CYTH1: variants seen among roughly 807,000 people sequenced by gnomAD.
The protein encoded by CYTH1 is cytohesin 1.
Under a neutral mutation model 61.8 loss-of-function variants are expected in CYTH1, and 18 were observed. That is an observed-to-expected ratio of 0.29 (90% confidence interval 0.20 to 0.43). CYTH1 has a LOEUF of 0.43. Among genes scored for constraint, CYTH1 ranks in the 20% least tolerant of loss-of-function variants. The pLI, the probability that CYTH1 is intolerant of heterozygous loss-of-function variation, is 1.00. For missense variants in CYTH1, 336 were observed against 510.5 expected, an observed-to-expected ratio of 0.66 and a Z score of 3.29; for synonymous variants, 174 against 184.3, an observed-to-expected ratio of 0.94 and a Z score of 0.45.
rs2093512267 is a variant in CYTH1 at position 78,780,455 on chromosome 17, G to A, written c.22+1747C>T. On this transcript the variant is annotated intron_variant, in intron 1 of 13. Transcript: ENST00000446868. ...TGCTTGAGCCAAGGAAGCAGAGCGT[G>A]CAGTGAGCTATGAGAGCGCCCCTGC... 3.9e-5 allele frequency among the ~76,000 whole-genome samples: 6 copies of A among 152,360 alleles called. No homozygotes were observed. In the South Asian group the frequency reaches 8.3e-4, roughly 21 times the overall value.
Position 78,674,729 on chromosome 17 carries a change from A to G in CYTH1, c.*1362T>C, listed in dbSNP as rs9894449. 6.6e-6 allele frequency: 1 copy of G among 152,346 alleles called. No homozygotes were observed. The highest frequency in any genetic ancestry group is 2.4e-5 in the African/African-American group (1 of 41,448). 9.4% of individuals were successfully genotyped at this position (152,346 alleles called of 1,614,324 possible). ...TGGAGGGGCGGGGCGAGACGGCCAG[A>G]CAGCCAGCCACCTGCTCTGCCTGGA... is the stretch of plus-strand genomic sequence containing the variant. On this transcript the variant is annotated 3_prime_UTR_variant, in exon 14 of 14. Coordinates refer to ENST00000446868, the MANE Select transcript of CYTH1 (RefSeq NM_004762.6).
intron 3 of CYTH1, among the ~76,000 whole-genome samples, chr17:78,706,482 A>G (rs935163409): frequency 7.2e-5 from 11 of 152,208 alleles, no homozygotes; most frequent in African/African-American, 2.4e-4. Flanking sequence ...TCATTCCTTC[A>G]CACTGCTGAG....
At chr17:78,680,103 C>T (rs1248816491) in intron 13 of CYTH1, 87 bp downstream of exon 13, 77 of 1,514,606 alleles carry the variant, frequency 5.1e-5, no homozygotes, top group Non-Finnish European at 5.7e-5. Context: ...GAGATGCGGG[C>T]GGCATGTTTA....
intron 1 of CYTH1, among the ~76,000 whole-genome samples, chr17:78,777,097 C>A (rs1164980334): frequency 6.6e-6 from 1 of 151,234 alleles, no homozygotes; most frequent in East Asian, 1.9e-4. Flanking sequence ...TGCACTCTAG[C>A]CTGGGCAACA....
At position 78,740,124 on chromosome 17, in the gene CYTH1, C is replaced by T. The variant is rs577621479; in HGVS notation, c.23-30392G>A. On this transcript the variant is annotated intron_variant, in intron 1 of 13. Coordinates refer to ENST00000446868, the MANE Select transcript of CYTH1 (RefSeq NM_004762.6). Reference sequence around the variant, plus strand: ...CTAATTTTTGTATTTTTAGTAGAGGCGGGGTTTCACCATGTTGGCCAGGCT... The same window carrying T: ...CTAATTTTTGTATTTTTAGTAGAGGTGGGGTTTCACCATGTTGGCCAGGCT... Among the ~76,000 whole-genome samples the T allele has an allele frequency of 6.6e-5, 10 of 152,202 alleles. No individual in the cohort carries two copies. In the East Asian group the frequency reaches 9.7e-4, roughly 15 times the overall value.
Position 78,771,350 on chromosome 17 carries a change from G to T in CYTH1, c.22+10852C>A, listed in dbSNP as rs575448000. Among the ~76,000 whole-genome samples the T allele has an allele frequency of 1.1e-4, 17 of 152,304 alleles. No individual in the cohort carries two copies. In the South Asian group the frequency reaches 3.5e-3, roughly 32 times the overall value. The stretch of plus-strand genomic sequence containing the variant: ...AGCTACTCAGGTGGATGAAGCATGA[G>T]AAATGCCTGAACCCAGGAGGCAGAG... On this transcript the variant is annotated intron_variant, in intron 1 of 13. Coordinates refer to ENST00000446868, the MANE Select transcript of CYTH1 (RefSeq NM_004762.6).
chr17:78,687,807 C>T (rs1022477798), intron 11 of CYTH1, among the ~76,000 whole-genome samples: 1 of 152,216 alleles, frequency 6.6e-6, no homozygotes, highest in African/African-American at 2.4e-5. Context: ...CACACAAGTA[C>T]ACAAGTTTCC....
At chr17:78,702,751 CA>C in intron 3 of CYTH1, 147 bp from the exon 4 acceptor site, 2 of 802,596 alleles carry the variant, frequency 2.5e-6, no homozygotes, top group Non-Finnish European at 4.0e-6. Context: ...TATGAAAGGC[CA>C]ACTGAAACCT....
intron 1 of CYTH1, among the ~76,000 whole-genome samples, chr17:78,779,797 C>T (rs1016265045): frequency 6.6e-6 from 1 of 152,200 alleles, no homozygotes; most frequent in African/African-American, 2.4e-5. Context: ...CCAGCCTGTC[C>T]GACACCTTGG....
intron 9 of CYTH1, among the ~76,000 whole-genome samples, chr17:78,697,366 G>A (rs143354454): frequency 7.5e-4 from 113 of 149,952 alleles, no homozygotes; most frequent in Middle Eastern, 6.9e-3. Context: ...TGTCCAGAGA[G>A]TCTAGAGCTC....
chr17:78,768,022 A>G (rs2093455984), intron 1 of CYTH1, among the ~76,000 whole-genome samples: 1 of 152,210 alleles, frequency 6.6e-6, no homozygotes, highest in South Asian at 2.1e-4. Flanking sequence ...GAAATGTGAG[A>G]CCGATCGTCC....
At chr17:78,680,090 G>A in intron 13 of CYTH1, 100 bp downstream of exon 13, 1 of 1,476,188 alleles carries the variant, frequency 6.8e-7, no homozygotes, top group Non-Finnish European at 9.1e-7. Flanking sequence ...TTGGAGCACA[G>A]AAGAGATGCG....
chr17:78,676,587 G>A (rs2092701825), intron 13 of CYTH1: 2 of 277,062 alleles, frequency 7.2e-6, no homozygotes, highest in African/African-American at 2.2e-5. Context: ...CACGGGGTGT[G>A]TGATAGCTGG....
chr17:78,746,941 C>A lies in CYTH1; in HGVS notation c.22+35261G>T, dbSNP rs116153284. ...TCTTCGTGACAGAGTCAGACTCTGT[C>A]TCAAAAATAATAATAATAAAAGTGT... On this transcript the variant is annotated intron_variant, in intron 1 of 13. Coordinates refer to ENST00000446868, the MANE Select transcript of CYTH1 (RefSeq NM_004762.6). Among the ~76,000 whole-genome samples the A allele has an allele frequency of 3.2e-3, 481 of 151,712 alleles. 1 individual carries two copies. The highest frequency in any genetic ancestry group is 0.011 in the African/African-American group (442 of 41,332).
chr17:78,717,295 C>T lies in CYTH1; in HGVS notation c.23-7563G>A, dbSNP rs1374526153. Among the ~76,000 whole-genome samples the T allele has an allele frequency of 6.6e-6, 1 of 152,302 alleles. No individual in the cohort carries two copies. The highest frequency in any genetic ancestry group is 6.5e-5 in the Admixed American group (1 of 15,296). ...CTCCTCGCCCATTGCCAGAGGGGCA[C>T]CCGGAATCCATGCCCACAAAGGTTA... On this transcript the variant is annotated intron_variant, in intron 1 of 13. Transcript: ENST00000446868. This position sits in a 1 kb window ranked among gnomAD's most constrained non-coding sequence, Gnocchi z 4.4.
chr17:78,774,671 C>T (rs1567887611), intron 1 of CYTH1, among the ~76,000 whole-genome samples: 1 of 152,152 alleles, frequency 6.6e-6, no homozygotes, highest in African/African-American at 2.4e-5. Context: ...CCCGCAGCAG[C>T]ACCCAGACAT....
chr17:78,709,070 G>A lies in CYTH1; in HGVS notation c.105+580C>T, dbSNP rs80350790. 6.0e-3 allele frequency: 920 copies of A among 152,450 alleles called. 47 individuals carry two copies. In the East Asian group the frequency reaches 0.12, roughly 20 times the overall value. 9.4% of individuals were successfully genotyped at this position (152,450 alleles called of 1,614,324 possible). ...TTCTAGACTTATTTCCTACAAGCTTGATAGTTACAAAAAGGAACTTGGAAA... is the reference window on the plus strand; with the variant it reads ...TTCTAGACTTATTTCCTACAAGCTTAATAGTTACAAAAAGGAACTTGGAAA... On this transcript the variant is annotated intron_variant, in intron 2 of 13. Coordinates refer to ENST00000446868, the MANE Select transcript of CYTH1 (RefSeq NM_004762.6).
intron 1 of CYTH1, among the ~76,000 whole-genome samples, chr17:78,720,073 T>C (rs1403781650): frequency 1.3e-5 from 2 of 151,910 alleles, no homozygotes; most frequent in Admixed American, 1.3e-4. Context: ...GACAGTGGGA[T>C]GGATGTTGCC....
chr17:78,695,938 G>A (rs912918659), intron 10 of CYTH1, 69 bp downstream of exon 10: 29 of 1,360,268 alleles, frequency 2.1e-5, no homozygotes, highest in East Asian at 1.4e-4. Flanking sequence ...CAAAAATAAC[G>A]AAATCAGAAA....
Sources: allele counts gnomAD v4.1 joint callset (sites outside exome capture counted in the v4.1 genomes callset), GRCh38; gene constraint gnomAD v4.1.1; non-coding constraint Gnocchi (gnomAD v3.1); transcripts MANE v1.5; gene names NCBI Gene and HGNC (gene_info 2026-07-23, HGNC 2026-07-21).